RORC: variants seen among roughly 807,000 people sequenced by gnomAD.
The protein encoded by RORC is RAR related orphan receptor C, also known as nuclear receptor ROR-gamma.
In RORC, 13 loss-of-function variants were observed where a neutral mutation model predicts 64.5. The observed-to-expected ratio is 0.20, with a 90% CI of 0.13 to 0.32. The LOEUF is 0.32. RORC is among the 10% of genes least tolerant of loss of function. The probability of loss-of-function intolerance (pLI) is 1.00; values close to 1 mark genes in which losing one functional copy is unlikely to be tolerated. For synonymous variants in RORC, 277 were observed against 259.3 expected (o/e 1.07, Z -0.65); for missense variants, 468 against 669.5 (o/e 0.70, Z 3.32).
At position 151,815,010 on chromosome 1, in the gene RORC, A is replaced by G; in HGVS notation, c.714T>C (p.His238=). The part of the protein sequence containing the change: ...RCGLRFEEHR[H]PGLGELGQGP... The stretch of plus-strand genomic sequence containing the variant: ...CCTGTCCCAGTTCCCCAAGCCCAGG[A>G]TGCCTGTGTTCCTCAAAACGAAGTC... Residue 238 remains histidine, a synonymous_variant, in exon 5 of 11, where the codon CAT becomes CAC. Transcript: ENST00000318247. The G allele has an allele frequency of 6.2e-7, 1 of 1,614,188 alleles. No individual in the cohort carries two copies. Among genetic ancestry groups the G allele is most frequent in the Non-Finnish European group, 8.5e-7 (1 of 1,180,032 alleles).
chr1:151,807,380 G>A lies in RORC; in HGVS notation c.*92C>T. 7.4e-7 allele frequency: 1 copy of A among 1,357,772 alleles called. No homozygotes were observed. The highest frequency in any genetic ancestry group is 2.4e-5 in the East Asian group (1 of 42,028). 84.1% of individuals were successfully genotyped at this position (1,357,772 alleles called of 1,614,324 possible). A position where few individuals can be genotyped will look rare whatever the true frequency, so the allele number is the denominator to read the frequency against. ...GAGCTGGTGGGGACCACCCTCCAGG[G>A]TTCATGGGAAAGGAAAAGGGTGAGG... On this transcript the variant is annotated 3_prime_UTR_variant, in exon 11 of 11. Transcript: ENST00000318247. The surrounding 1 kb of genome is among the most constrained non-coding windows in gnomAD (Gnocchi z 5.0).
chr1:151,829,323 A>G, intron 2 of RORC, 106 bp downstream of exon 2: 1 of 1,070,720 alleles, frequency 9.3e-7, no homozygotes. Context: ...TCTCTTCCTG[A>G]CTCCTCCACC....
intron 6 of RORC, chr1:151,813,888 G>GTA: frequency 2.2e-6 from 1 of 452,142 alleles, no homozygotes; most frequent in Non-Finnish European, 4.0e-6. Context: ...CTCCAACAAG[G>GTA]TATATCTCGT....
At chr1:151,812,900 T>A (rs1400366435) in intron 9 of RORC, 47 bp downstream of exon 9, 8 of 1,245,474 alleles carry the variant, frequency 6.4e-6, no homozygotes, top group Non-Finnish European at 9.4e-6. Context: ...ATATCTGCCA[T>A]GCCCCTGCCA....
At chr1:151,812,026 A>G (rs1651552956) in intron 9 of RORC, 1 of 152,258 alleles carries the variant, frequency 6.6e-6, no homozygotes, top group South Asian at 2.1e-4. Flanking sequence ...TTCTCTGAAT[A>G]TTTAGTATTC....
At chr1:151,810,749 T>C (rs539147534) in intron 10 of RORC, among the ~76,000 whole-genome samples, 1 of 152,238 alleles carries the variant, frequency 6.6e-6, no homozygotes, top group Non-Finnish European at 1.5e-5. Flanking sequence ...GTCAGGCTGG[T>C]CTCGAACTCC....
Position 151,817,499 on chromosome 1 carries a change from G to A in RORC, c.71-219C>T, listed in dbSNP as rs149883588. Among the ~76,000 whole-genome samples, 22 of 152,338 alleles carry A rather than the reference G, an allele frequency of 1.4e-4. No homozygotes were observed. The East Asian group carries it at 3.5e-3, about 24-fold the overall frequency. ...TGTGTTTGTTTCACAGAGGAGGGGA[G>A]TGTGGAGGGGTGGCCGGGAGTTGTA... On this transcript the variant is annotated intron_variant, in intron 2 of 10. Coordinates refer to ENST00000318247, the MANE Select transcript of RORC (RefSeq NM_005060.4).
At chr1:151,812,772 T>G in intron 9 of RORC, 175 bp downstream of exon 9, 1 of 530,968 alleles carries the variant, frequency 1.9e-6, no homozygotes, top group Non-Finnish European at 3.4e-6. Flanking sequence ...TCTCTGAGAG[T>G]CCTCTGAATC....
At chr1:151,829,750 T>C (rs1652334914) in intron 1 of RORC, among the ~76,000 whole-genome samples, 1 of 152,094 alleles carries the variant, frequency 6.6e-6, no homozygotes, top group Non-Finnish European at 1.5e-5. Flanking sequence ...CTAGCCAACT[T>C]CTCTTTCTCC....
Position 151,829,476 on chromosome 1 carries a change from G to A in RORC, c.41-18C>T. On this transcript the variant is annotated intron_variant, in intron 1 of 10. Coordinates refer to ENST00000318247, the MANE Select transcript of RORC (RefSeq NM_005060.4). ...CAGCAGCTCTGTAAAGACAAGAGAG[G>A]GGGTTGACGTCAAAGGTTGAAGATC... 1.3e-6 allele frequency: 2 copies of A among 1,519,810 alleles called. No individual in the cohort carries two copies. Among genetic ancestry groups the A allele is most frequent in the Non-Finnish European group, 1.8e-6 (2 of 1,141,578 alleles). 94.1% of individuals were successfully genotyped at this position (1,519,810 alleles called of 1,614,324 possible). A position where few individuals can be genotyped will look rare whatever the true frequency, so the allele number is the denominator to read the frequency against.
At chr1:151,829,382 A>G (rs201282576) in intron 2 of RORC, 47 bp downstream of exon 2, 45 of 1,513,386 alleles carry the variant, frequency 3.0e-5, no homozygotes, top group Non-Finnish European at 3.6e-5. Flanking sequence ...ATTATTCTCC[A>G]TCTCATTATG....
Position 151,817,218 on chromosome 1 carries a change from C to T in RORC, c.133G>A (p.Val45Ile), listed in dbSNP as rs1407441133. 6.2e-7 allele frequency: 1 copy of T among 1,613,976 alleles called. No individual in the cohort carries two copies. Among genetic ancestry groups the T allele is most frequent in the Non-Finnish European group, 8.5e-7 (1 of 1,179,944 alleles). The stretch of plus-strand genomic sequence containing the variant: ...ACCTTGCACCCCTCACAGGTGATAA[C>T]CCCGTAGTGGATCCCAGACGACTTG... Reference protein sequence around the residue: ...GDKSSGIHYGVITCEGCKGFF... With the variant: ...GDKSSGIHYGIITCEGCKGFF... Residue 45 changes from valine to isoleucine, a missense_variant, in exon 3 of 11, where the codon GTT becomes ATT. By Grantham distance (29) the Val-to-Ile change is conservative. Transcript: ENST00000318247.
At chr1:151,808,307 C>T (rs1651392438) in intron 10 of RORC, among the ~76,000 whole-genome samples, 1 of 152,220 alleles carries the variant, frequency 6.6e-6, no homozygotes, top group Non-Finnish European at 1.5e-5. Context: ...ACCAATGCTG[C>T]CAGCACTCAG....
In RORC at chr1:151,820,053, A is replaced by T. The variant is rs540906429; in HGVS notation, c.71-2773T>A. On this transcript the variant is annotated intron_variant, in intron 2 of 10. Transcript: ENST00000318247. The stretch of plus-strand genomic sequence containing the variant: ...GAGAGACGGCTGCGGAAACACTGAA[A>T]CACAGAAAATCCACGCTTGTATCCT... Among the ~76,000 whole-genome samples the T allele has an allele frequency of 2.0e-5, 3 of 152,206 alleles. No individual in the cohort carries two copies. The South Asian group carries it at 6.2e-4, about 32-fold the overall frequency.
At chr1:151,822,754 C>G (rs189152250) in intron 2 of RORC, among the ~76,000 whole-genome samples, 1 of 152,366 alleles carries the variant, frequency 6.6e-6, no homozygotes. Context: ...CCCTGAGGCC[C>G]TGCCTTGTTA....
Position 151,811,332 on chromosome 1 carries a change from A to G in RORC, c.1388T>C (p.Leu463Pro). ...HLCKTHRQSI[L>P]AKLPPKGKLR... The stretch of plus-strand genomic sequence containing the variant: ...CCCAGGGACTGCTCCTACCTTTGCC[A>G]GGATGCTTTGGCGATGAGTCTTGCA... The change falls in exon 10 of 11, where the codon CTG (leucine) becomes CCG (proline). Residue 463 changes from leucine to proline, a missense_variant. By Grantham distance (98) the Leu-to-Pro change is moderately conservative (BLOSUM62 -3). Around this residue, in one of 5 missense-constraint regions of RORC, gnomAD observed 93 missense variants for 116.6 expected, o/e 0.80. Transcript: ENST00000318247. The G allele has an allele frequency of 1.2e-6, 2 of 1,611,332 alleles. No individual in the cohort carries two copies. The highest frequency in any genetic ancestry group is 1.7e-6 in the Non-Finnish European group (2 of 1,177,522).
At chr1:151,831,074 G>A in intron 1 of RORC, 1 of 1,289,068 alleles carries the variant, frequency 7.8e-7, no homozygotes, top group Non-Finnish European at 1.0e-6. Flanking sequence ...CCATGGGTGG[G>A]GCCAAGGACG....
At chr1:151,823,182 G>T (rs538910993) in intron 2 of RORC, among the ~76,000 whole-genome samples, 1 of 152,228 alleles carries the variant, frequency 6.6e-6, no homozygotes, top group Non-Finnish European at 1.5e-5. Context: ...GGCTCTCAGG[G>T]TGATATCTGT....
chr1:151,829,570 G>T, intron 1 of RORC, 112 bp from the exon 2 acceptor site: 2 of 1,036,666 alleles, frequency 1.9e-6, no homozygotes, highest in Non-Finnish European at 2.7e-6. Context: ...AGAGCCTGGC[G>T]TCTGAAGGGC....
Sources: gnomAD v4.1 joint callset for allele counts (sites outside exome capture counted in the v4.1 genomes callset) on GRCh38, gnomAD v4.1.1 for gene constraint, gnomAD v4.1.1 regional missense constraint, Gnocchi (gnomAD v3.1) non-coding constraint, MANE v1.5 for transcripts, NCBI Gene and HGNC (gene_info 2026-07-23, HGNC 2026-07-21) for gene names.